The following GLIS3 variants were observed in gnomAD, a reference collection of about 807,000 sequenced individuals.
GLIS3 encodes GLIS family zinc finger 3, also known as zinc finger protein GLIS3.
In GLIS3, 53 loss-of-function variants were observed where a neutral mutation model predicts 78.6. That is an observed-to-expected ratio of 0.67 (90% CI 0.54 to 0.85). The LOEUF is 0.85. Ranked by LOEUF, GLIS3 falls within the 40% of genes least tolerant of loss-of-function variation. The pLI, the probability that GLIS3 is intolerant of heterozygous loss-of-function variation, is 0.00. For synonymous variants in GLIS3, 684 were observed against 509.9 expected (o/e 1.34, Z -4.60); for missense variants, 1,703 against 1,231.1 (o/e 1.38, Z -5.74).
chr9:4,185,238 T>G (rs990166166), intron 2 of GLIS3, among the ~76,000 whole-genome samples: 1 of 152,230 alleles, frequency 6.6e-6, no homozygotes, highest in African/African-American at 2.4e-5. Context: ...TTCTTTCACT[T>G]AGCATAATTT....
chr9:4,326,822 G>A (rs1025203432), intron 2 of GLIS3, among the ~76,000 whole-genome samples: 2 of 152,218 alleles, frequency 1.3e-5, no homozygotes, highest in Non-Finnish European at 2.9e-5. Context: ...TTGGGGCTGG[G>A]TTTGGAAGAA....
the GLIS3 span, among the ~76,000 whole-genome samples, chr9:4,358,920 C>T: frequency 1.3e-5 from 2 of 152,194 alleles, no homozygotes; most frequent in Admixed American, 1.3e-4. Flanking sequence ...CACTCCAAGA[C>T]TTTCAGGCTG....
chr9:4,408,500 G>A, the GLIS3 span, among the ~76,000 whole-genome samples: 43 of 151,642 alleles, frequency 2.8e-4, 1 homozygote, highest in East Asian at 5.6e-3. Flanking sequence ...AGGCTGAGGC[G>A]GGCGGATCAC....
At chr9:4,159,566 A>G (rs1835312658) in intron 2 of GLIS3, among the ~76,000 whole-genome samples, 1 of 152,152 alleles carries the variant, frequency 6.6e-6, no homozygotes, top group South Asian at 2.1e-4. Context: ...TAAAAATACA[A>G]AAATTAACTG....
chr9:4,456,326 G>C, the GLIS3 span, among the ~76,000 whole-genome samples: 4 of 152,154 alleles, frequency 2.6e-5, no homozygotes. Context: ...TGAATGTTGG[G>C]GTGGCTGTGG....
chr9:4,247,886 G>A (rs1175152609), intron 2 of GLIS3, among the ~76,000 whole-genome samples: 2 of 152,086 alleles, frequency 1.3e-5, no homozygotes, highest in African/African-American at 4.8e-5. Context: ...TCACTTCATT[G>A]ATACTTTTGT....
chr9:3,937,603 GA>G (rs202015041), intron 4 of GLIS3, among the ~76,000 whole-genome samples: 23 of 150,692 alleles, frequency 1.5e-4, no homozygotes, highest in Non-Finnish European at 2.8e-4. Context: ...AAACTAATAA[GA>G]AAAAAAAAGT....
intron 2 of GLIS3, among the ~76,000 whole-genome samples, chr9:4,259,525 T>A (rs1825310453): frequency 1.3e-5 from 2 of 152,166 alleles, no homozygotes; most frequent in African/African-American, 4.8e-5. Flanking sequence ...TTTACCAAGC[T>A]GTTGACAACT....
the GLIS3 span, among the ~76,000 whole-genome samples, chr9:4,428,419 C>T: frequency 7.3e-6 from 1 of 136,112 alleles, no homozygotes; most frequent in Non-Finnish European, 1.5e-5. Flanking sequence ...GCAGAGGTTA[C>T]AGTGAGCCAA....
At chr9:4,368,397 T>C in the GLIS3 span, among the ~76,000 whole-genome samples, 1 of 146,756 alleles carries the variant, frequency 6.8e-6, no homozygotes, top group Non-Finnish European at 1.5e-5. Context: ...CAGGCTGGAG[T>C]GTAGTGGCAC....
chr9:3,968,326 C>T (rs1367201805), intron 4 of GLIS3, among the ~76,000 whole-genome samples: 3 of 152,066 alleles, frequency 2.0e-5, no homozygotes, highest in Admixed American at 1.3e-4. Flanking sequence ...TGATAGGGAG[C>T]TTAACAGCAC....
the GLIS3 span, among the ~76,000 whole-genome samples, chr9:4,364,198 C>T: frequency 6.6e-6 from 1 of 152,298 alleles, no homozygotes; most frequent in Admixed American, 6.5e-5. Flanking sequence ...ATATATCCCT[C>T]AGTCTACTGA....
chr9:4,450,418 C>T, the GLIS3 span, among the ~76,000 whole-genome samples: 1 of 152,174 alleles, frequency 6.6e-6, no homozygotes, highest in Non-Finnish European at 1.5e-5. Flanking sequence ...AGTTGGAAAA[C>T]ACTCTGCAGG....
intron 2 of GLIS3, among the ~76,000 whole-genome samples, chr9:4,177,166 AAAAC>A (rs2131154887): frequency 1.1e-5 from 1 of 88,378 alleles, no homozygotes; most frequent in Admixed American, 1.0e-4. Context: ...AAAACAAAAC[AAAAC>A]AAAATCACCA....
the GLIS3 span, among the ~76,000 whole-genome samples, chr9:4,453,359 A>G: frequency 1.4e-4 from 20 of 146,496 alleles, no homozygotes; most frequent in African/African-American, 4.0e-4. Context: ...AAAAAAAAAA[A>G]AAAAAGAAAA....
the GLIS3 span, among the ~76,000 whole-genome samples, chr9:4,357,035 G>T: frequency 3.3e-5 from 5 of 152,148 alleles, no homozygotes; most frequent in Non-Finnish European, 7.4e-5. Flanking sequence ...ATAAATCATT[G>T]AATATTAGTG....
chr9:4,338,364 G>C (rs933717535), intron 2 of GLIS3, among the ~76,000 whole-genome samples: 26 of 137,502 alleles, frequency 1.9e-4, no homozygotes, highest in Middle Eastern at 3.7e-3. Flanking sequence ...TTATATATGT[G>C]TGTACACACA....
At chr9:4,133,530 T>C (rs1833134261) in intron 2 of GLIS3, among the ~76,000 whole-genome samples, 1 of 152,028 alleles carries the variant, frequency 6.6e-6, no homozygotes, top group Non-Finnish European at 1.5e-5. Flanking sequence ...GAGCCATAGA[T>C]TTCCATCCTG....
chr9:4,000,950 C>A lies in GLIS3; in HGVS notation c.1711-63761G>T, dbSNP rs1472552809. Among the ~76,000 whole-genome samples, 3 of 152,174 alleles carry A rather than the reference C, an allele frequency of 2.0e-5. No homozygotes were observed. The East Asian group carries it at 5.8e-4, about 29-fold the overall frequency. On this transcript the variant is annotated intron_variant, in intron 4 of 10. Transcript: ENST00000381971. ...CTCTGTACTTTCACAAAGCTATATG[C>A]CAATTTTTCTATTTATATTGTCTCC... is the stretch of plus-strand genomic sequence containing the variant.
Sources: gnomAD v4.1 joint callset for allele counts (sites outside exome capture counted in the v4.1 genomes callset) on GRCh38, gnomAD v4.1.1 for gene constraint, MANE v1.5 for transcripts, NCBI Gene and HGNC (gene_info 2026-07-23, HGNC 2026-07-21) for gene names.